Variants in MYO1D observed in about 807,000 individuals in gnomAD.
MYO1D encodes the protein myosin ID, also known as unconventional myosin-Id.
MYO1D carries 83 observed loss-of-function variants against 122.0 expected under a neutral mutation model. The observed-to-expected ratio is 0.68, with a 90% CI of 0.57 to 0.82. The LOEUF is 0.82. Ranked by LOEUF, MYO1D falls within the 40% of genes least tolerant of loss-of-function variation. The pLI, the probability that MYO1D is intolerant of heterozygous loss-of-function variation, is 0.00. For missense variants in MYO1D, 1,157 were observed against 1,269.5 expected (o/e 0.91, Z 1.35); for synonymous variants, 464 against 446.9 (o/e 1.04, Z -0.48).
At chr17:32,661,933 GTTCT>G (rs985522047) in intron 16 of MYO1D, among the ~76,000 whole-genome samples, 18 of 152,092 alleles carry the variant, frequency 1.2e-4, no homozygotes, top group Admixed American at 7.9e-4. Flanking sequence ...AAGTATGAAT[GTTCT>G]TTCTTTATTG....
At chr17:32,750,487 C>T (rs758383850) in intron 11 of MYO1D, among the ~76,000 whole-genome samples, 9 of 152,080 alleles carry the variant, frequency 5.9e-5, no homozygotes, top group Middle Eastern at 6.8e-3. Context: ...TGGTGGCAGA[C>T]GCCTGTAGTC....
chr17:32,641,474 G>A (rs542203203), intron 19 of MYO1D, among the ~76,000 whole-genome samples: 1 of 152,246 alleles, frequency 6.6e-6, no homozygotes, highest in South Asian at 2.1e-4. Context: ...GGGTCAAATG[G>A]TATTTCTAGT....
intron 16 of MYO1D, among the ~76,000 whole-genome samples, chr17:32,660,815 C>T (rs1159812601): frequency 1.3e-5 from 2 of 152,140 alleles, no homozygotes; most frequent in Admixed American, 6.5e-5. Context: ...GGCTTTGTTA[C>T]GCCTCCACCC....
At chr17:32,769,155 T>C (rs1046395917) in intron 6 of MYO1D, among the ~76,000 whole-genome samples, 2 of 152,214 alleles carry the variant, frequency 1.3e-5, no homozygotes, top group Admixed American at 1.3e-4. Context: ...AAAGTGTTTA[T>C]GGGGGATGAG....
At chr17:32,728,007 T>C (rs1253315829) in intron 14 of MYO1D, among the ~76,000 whole-genome samples, 1 of 152,154 alleles carries the variant, frequency 6.6e-6, no homozygotes, top group Non-Finnish European at 1.5e-5. Context: ...CAGTTCTAAC[T>C]TGAATGAGCC....
intron 14 of MYO1D, among the ~76,000 whole-genome samples, chr17:32,724,154 A>G (rs1421382): frequency 0.35 from 53,358 of 152,020 alleles, 10,853 homozygotes; most frequent in East Asian, 0.54. Context: ...ATTTTCTACT[A>G]GTTTGCTGGA....
Position 32,712,113 on chromosome 17 carries a change from A to C in MYO1D, c.1996T>G (p.Cys666Gly). The C allele has an allele frequency of 6.2e-7, 1 of 1,614,138 alleles. No homozygotes were observed. The highest frequency in any genetic ancestry group is 1.1e-5 in the South Asian group (1 of 91,086). ...TAAGCTACATCATCCTGAAAACCAC[A>C]CCGTTCAATTAGTTTCTTGACAGCC... ...KEAVKKLIERCGFQDDVAYGK... is the reference protein window; with the variant it reads ...KEAVKKLIERGGFQDDVAYGK... Residue 666 changes from cysteine to glycine, a missense_variant, in exon 16 of 22, where the codon TGT becomes GGT. Cys to Gly is a radical substitution (Grantham distance 159). Coordinates refer to ENST00000318217, the MANE Select transcript of MYO1D (RefSeq NM_015194.3).
intron 1 of MYO1D, among the ~76,000 whole-genome samples, chr17:32,824,710 T>C (rs1321164653): frequency 6.6e-6 from 1 of 152,254 alleles, no homozygotes; most frequent in African/African-American, 2.4e-5. Context: ...TGCTCTGGTC[T>C]AACTTTCCAT....
intron 16 of MYO1D, among the ~76,000 whole-genome samples, chr17:32,673,330 T>C (rs1597993328): frequency 6.6e-6 from 1 of 151,718 alleles, no homozygotes; most frequent in Non-Finnish European, 1.5e-5. Context: ...TCCTGAACTC[T>C]TGAGCTCAGG....
intron 1 of MYO1D, among the ~76,000 whole-genome samples, chr17:32,841,041 T>C (rs1168217675): frequency 6.6e-6 from 1 of 152,234 alleles, no homozygotes; most frequent in Non-Finnish European, 1.5e-5. Context: ...TTTGACCAAC[T>C]GTAGGCTAAT....
At chr17:32,735,665 G>A (rs747063476) in intron 14 of MYO1D, among the ~76,000 whole-genome samples, 9 of 151,608 alleles carry the variant, frequency 5.9e-5, no homozygotes, top group Admixed American at 3.9e-4. Flanking sequence ...TATGATGGTG[G>A]ACTTGTCAAT....
At chr17:32,777,875 A>G (rs758106694) in intron 3 of MYO1D, among the ~76,000 whole-genome samples, 56 of 152,176 alleles carry the variant, frequency 3.7e-4, no homozygotes, top group Non-Finnish European at 6.8e-4. Context: ...CGGAGCTTGC[A>G]GTGAGCTGAG....
chr17:32,685,449 G>A (rs758810376), intron 16 of MYO1D, among the ~76,000 whole-genome samples: 2 of 152,212 alleles, frequency 1.3e-5, no homozygotes, highest in African/African-American at 2.4e-5. Flanking sequence ...CTATCTAGCA[G>A]ATATTCTGTT....
intron 14 of MYO1D, among the ~76,000 whole-genome samples, chr17:32,727,965 T>C (rs1473520832): frequency 6.6e-6 from 1 of 152,212 alleles, no homozygotes; most frequent in East Asian, 1.9e-4. Context: ...TGTTTCATAA[T>C]GATAAATGAC....
intron 21 of MYO1D, chr17:32,510,618 C>T (rs1909661399): frequency 6.6e-6 from 1 of 152,228 alleles, no homozygotes; most frequent in Non-Finnish European, 1.5e-5. Context: ...TTTTTGTCAA[C>T]CAAAAGCTTC....
chr17:32,830,657 C>A (rs773131069), intron 1 of MYO1D, among the ~76,000 whole-genome samples: 7 of 152,088 alleles, frequency 4.6e-5, no homozygotes, highest in Non-Finnish European at 1.0e-4. Flanking sequence ...AGAAAAAACT[C>A]TGGGCAGATA....
In MYO1D at chr17:32,611,753, C is replaced by T. The variant is rs150536023; in HGVS notation, c.2710-6512G>A. 3.5e-3 allele frequency among the ~76,000 whole-genome samples: 537 copies of T among 152,298 alleles called. 1 individual carries two copies. Among genetic ancestry groups the T allele is most frequent in the African/African-American group, 0.012 (486 of 41,570 alleles). On this transcript the variant is annotated intron_variant, in intron 20 of 21. Coordinates refer to ENST00000318217, the MANE Select transcript of MYO1D (RefSeq NM_015194.3). ...AATCAGGAGGCTGGGGCAGGAGAAT[C>T]ACTTGTATCTGGGAGGCAGAGGTTG... is the stretch of plus-strand genomic sequence containing the variant.
intron 1 of MYO1D, among the ~76,000 whole-genome samples, chr17:32,821,039 C>A (rs115312470): frequency 6.6e-6 from 1 of 152,110 alleles, no homozygotes; most frequent in African/African-American, 2.4e-5. Context: ...ACCTTCCACC[C>A]GCTGATAGGC....
At chr17:32,825,214 T>C (rs2090710195) in intron 1 of MYO1D, among the ~76,000 whole-genome samples, 2 of 152,236 alleles carry the variant, frequency 1.3e-5, no homozygotes, top group Non-Finnish European at 2.9e-5. Context: ...AAAATTTCCA[T>C]AATACATTAC....
Sources: allele counts gnomAD v4.1 joint callset (sites outside exome capture counted in the v4.1 genomes callset), GRCh38; gene constraint gnomAD v4.1.1; transcripts MANE v1.5; gene names NCBI Gene and HGNC (gene_info 2026-07-23, HGNC 2026-07-21).